Variants in UGT2B11 observed in about 807,000 individuals in gnomAD.
UGT2B11 encodes UDP glucuronosyltransferase family 2 member B11.
Under a neutral mutation model 51.7 loss-of-function variants are expected in UGT2B11, and 49 were observed. The ratio of observed to expected loss-of-function variants is 0.95; its 90% CI spans 0.75 to 1.20. The LOEUF (loss-of-function observed/expected upper bound fraction) is 1.20, where lower values mean the gene tolerates loss of function less well. Ranked by LOEUF, UGT2B11 falls within the 50% of genes most tolerant of loss-of-function variation. The probability of loss-of-function intolerance (pLI) is 0.00; values close to 1 mark genes in which losing one functional copy is unlikely to be tolerated. For missense variants in UGT2B11, 810 were observed against 622.1 expected (o/e 1.30, Z -3.21); for synonymous variants, 273 against 209.0 (o/e 1.31, Z -2.64).
At chr4:69,208,620 T>A in intron 2 of UGT2B11, 138 bp from the exon 3 acceptor site, 1 of 1,456,594 alleles carries the variant, frequency 6.9e-7, no homozygotes, top group African/African-American at 1.4e-5. Flanking sequence ...TTTAACTGAA[T>A]CATTCAGTTT....
Position 69,200,233 on chromosome 4 carries a change from G to T in UGT2B11, c.*207C>A. The T allele has an allele frequency of 1.6e-6, 1 of 641,778 alleles. No homozygotes were observed. Among genetic ancestry groups the T allele is most frequent in the Non-Finnish European group, 2.2e-6 (1 of 454,016 alleles). The allele number at this position is 641,778 out of a possible 1,614,324, so 39.8% of individuals were successfully genotyped here. A position where few individuals can be genotyped will look rare whatever the true frequency, so the allele number is the denominator to read the frequency against. On this transcript the variant is annotated 3_prime_UTR_variant, in exon 6 of 6. Coordinates refer to ENST00000446444, the MANE Select transcript of UGT2B11 (RefSeq NM_001073.3). ...TAATTTTCCTAGTATTTTCTTCATTGCCACAAAATATTTCTAACCATTACC... is the reference window on the plus strand; with the variant it reads ...TAATTTTCCTAGTATTTTCTTCATTTCCACAAAATATTTCTAACCATTACC...
In UGT2B11 at chr4:69,204,448, G is replaced by C. The variant is rs1334923398; in HGVS notation, c.1292C>G (p.Thr431Arg). Residue 431 changes from threonine (T) to arginine (R), a missense_variant, in exon 5 of 6, where the codon ACA becomes AGA. Coordinates refer to ENST00000446444, the MANE Select transcript of UGT2B11 (RefSeq NM_001073.3). ...SSTDLLNALK[T>R]VINDPLYKEN... ...TACTCACAAAGGATCATTAATTACT[G>C]TCTTCAGTGCATTCAGCAGGTCTGT... The C allele has an allele frequency of 3.7e-6, 6 of 1,611,698 alleles. No homozygotes were observed. Among genetic ancestry groups the C allele is most frequent in the Non-Finnish European group, 4.2e-6 (5 of 1,178,542 alleles).
Position 69,213,691 on chromosome 4 carries a change from T to C in UGT2B11, c.721+311A>G, listed in dbSNP as rs372496901. On this transcript the variant is annotated intron_variant, in intron 1 of 5. Coordinates refer to ENST00000446444, the MANE Select transcript of UGT2B11 (RefSeq NM_001073.3). The stretch of plus-strand genomic sequence containing the variant: ...CAGTAAGATGTTACTTGATGGATTT[T>C]ACTGTTTTTAAGATCTAAAACATTA... Among the ~76,000 whole-genome samples the C allele has an allele frequency of 5.9e-5, 9 of 151,870 alleles. No homozygotes were observed. In the East Asian group the frequency reaches 7.7e-4, roughly 13 times the overall value.
chr4:69,203,976 A>G (rs1260384423), intron 5 of UGT2B11, among the ~76,000 whole-genome samples: 1 of 151,626 alleles, frequency 6.6e-6, no homozygotes, highest in East Asian at 1.9e-4. Flanking sequence ...TGGCATAAAT[A>G]GGTGGATTTT....
rs1560542117 is a variant in UGT2B11 at position 69,214,693 on chromosome 4, CAGA to C, written c.27_29del (p.Leu11del). On this transcript the variant is annotated inframe_deletion, in exon 1 of 6. Transcript: ENST00000446444. The stretch of plus-strand genomic sequence containing the variant: ...TAAAGTAACAACTGAGATGTATCAG[CAGA>C]AGAACTGAAGTCCATTTCAGAGTCA... The C allele has an allele frequency of 3.1e-6, 5 of 1,612,784 alleles. No homozygotes were observed. Among genetic ancestry groups the C allele is most frequent in the Admixed American group, 1.7e-5 (1 of 59,922 alleles).
In UGT2B11 at chr4:69,200,642, C is replaced by G. The variant is rs546777670; in HGVS notation, c.1388G>C (p.Trp463Ser). 8.1e-6 allele frequency: 13 copies of G among 1,612,368 alleles called. No individual in the cohort carries two copies. The African/African-American group carries it at 1.3e-4, about 17-fold the overall frequency. The stretch of plus-strand genomic sequence containing the variant: ...TTTGTGGGGCATGACAAATTCAATC[C>G]AGAAGACTGCTCGATCCAGGGGCTT... ...PVKPLDRAVFWIEFVMPHKGA... is the reference protein window; with the variant it reads ...PVKPLDRAVFSIEFVMPHKGA... Residue 463 changes from tryptophan to serine, a missense_variant, in exon 6 of 6, where the codon TGG (tryptophan) becomes TCG (serine). Trp to Ser is a radical substitution (Grantham distance 177). Transcript: ENST00000446444.
At chr4:69,202,531 A>C (rs898025646) in intron 5 of UGT2B11, among the ~76,000 whole-genome samples, 9 of 151,646 alleles carry the variant, frequency 5.9e-5, no homozygotes, top group African/African-American at 2.2e-4. Flanking sequence ...GAAAGATTAA[A>C]TATTTGACGT....
upstream of UGT2B11, chr4:69,215,064 T>A: frequency 4.9e-6 from 1 of 205,316 alleles, no homozygotes; most frequent in African/African-American, 2.3e-5. Flanking sequence ...AGAGATGAAA[T>A]GATTGTACAA....
At chr4:69,201,251 C>G (rs1297194089) in intron 5 of UGT2B11, 1 of 151,972 alleles carries the variant, frequency 6.6e-6, no homozygotes, top group East Asian at 2.0e-4. Flanking sequence ...TGAGAATTAT[C>G]ATCTGTAAGT....
chr4:69,207,788 C>A (rs1721912923), intron 3 of UGT2B11, among the ~76,000 whole-genome samples: 2 of 151,540 alleles, frequency 1.3e-5, no homozygotes, highest in Admixed American at 1.3e-4. Flanking sequence ...CCAAGAGCTT[C>A]CAGAGTACGG....
upstream of UGT2B11, among the ~76,000 whole-genome samples, chr4:69,219,558 G>C (rs1213513314): frequency 6.6e-6 from 1 of 152,076 alleles, no homozygotes; most frequent in Non-Finnish European, 1.5e-5. Context: ...TAATTTAAAA[G>C]GAAAGAGGTT....
chr4:69,200,642 C>A lies in UGT2B11; in HGVS notation c.1388G>T (p.Trp463Leu). 1 of 1,612,368 alleles carries A rather than the reference C, an allele frequency of 6.2e-7. No individual in the cohort carries two copies. The highest frequency in any genetic ancestry group is 8.5e-7 in the Non-Finnish European group (1 of 1,178,918). The change falls in exon 6 of 6, where the codon TGG becomes TTG. Residue 463 changes from tryptophan to leucine, a missense_variant. By Grantham distance (61) the Trp-to-Leu change is moderately conservative. Coordinates refer to ENST00000446444, the MANE Select transcript of UGT2B11 (RefSeq NM_001073.3). ...PVKPLDRAVF[W>L]IEFVMPHKGA... The stretch of plus-strand genomic sequence containing the variant: ...TTTGTGGGGCATGACAAATTCAATC[C>A]AGAAGACTGCTCGATCCAGGGGCTT...
At chr4:69,223,801 C>T in the UGT2B11 span, among the ~76,000 whole-genome samples, 1 of 152,184 alleles carries the variant, frequency 6.6e-6, no homozygotes, top group Non-Finnish European at 1.5e-5. Context: ...GTCCAGTAAT[C>T]TGTGTCCCAA....
At chr4:69,223,643 G>T in the UGT2B11 span, among the ~76,000 whole-genome samples, 12 of 152,250 alleles carry the variant, frequency 7.9e-5, no homozygotes, top group East Asian at 7.7e-4. Context: ...TGTCCTTCAA[G>T]GAGAAATCTC....
upstream of UGT2B11, among the ~76,000 whole-genome samples, chr4:69,218,833 T>A (rs1722338160): frequency 6.6e-6 from 1 of 152,152 alleles, no homozygotes; most frequent in Non-Finnish European, 1.5e-5. Context: ...AAGGACCTAT[T>A]CACAAAAGTC....
At chr4:69,212,383 T>A (rs1406277203) in intron 2 of UGT2B11, among the ~76,000 whole-genome samples, 190 bp downstream of exon 2, 1 of 151,666 alleles carries the variant, frequency 6.6e-6, no homozygotes, top group East Asian at 1.9e-4. Context: ...TCTCTATTTG[T>A]AATATGCATA....
Position 69,200,146 on chromosome 4 carries a change from A to G in UGT2B11, c.*294T>C, listed in dbSNP as rs1480339535. 4.4e-6 allele frequency: 1 copy of G among 229,386 alleles called. No individual in the cohort carries two copies. Among genetic ancestry groups the G allele is most frequent in the Non-Finnish European group, 8.0e-6 (1 of 124,592 alleles). The allele number at this position is 229,386 out of a possible 1,614,324, so 14.2% of individuals were successfully genotyped here. A position where few individuals can be genotyped will look rare whatever the true frequency, so the allele number is the denominator to read the frequency against. On this transcript the variant is annotated 3_prime_UTR_variant, in exon 6 of 6. Transcript: ENST00000446444. ...TTCATGTAACTTGTGAATTCAAACAACAAATCTCAATATAAGTGCAACAAA... is the reference window on the plus strand; with the variant it reads ...TTCATGTAACTTGTGAATTCAAACAGCAAATCTCAATATAAGTGCAACAAA...
the UGT2B11 span, among the ~76,000 whole-genome samples, chr4:69,220,712 CT>C: frequency 4.6e-5 from 7 of 151,592 alleles, no homozygotes; most frequent in Non-Finnish European, 1.0e-4. Flanking sequence ...GTTCAAGCTC[CT>C]TTTTTCTACT....
At chr4:69,205,657 A>C (rs1721825405) in intron 3 of UGT2B11, 90 bp from the exon 4 acceptor site, 1 of 1,369,840 alleles carries the variant, frequency 7.3e-7, no homozygotes, top group African/African-American at 1.5e-5. Flanking sequence ...AATGAGATCA[A>C]GGGATGTTAG....
Sources: allele counts gnomAD v4.1 joint callset (sites outside exome capture counted in the v4.1 genomes callset), GRCh38; gene constraint gnomAD v4.1.1; transcripts MANE v1.5; gene names NCBI Gene and HGNC (gene_info 2026-07-23, HGNC 2026-07-21).